CACNG7: variants seen among roughly 807,000 people sequenced by gnomAD.
The protein encoded by CACNG7 is calcium voltage-gated channel auxiliary subunit gamma 7, also known as voltage-dependent calcium channel gamma-7 subunit.
In CACNG7, 9 loss-of-function variants were observed where a neutral mutation model predicts 26.3. The observed-to-expected ratio is 0.34, with a 90% CI of 0.21 to 0.60. CACNG7 has a LOEUF of 0.60. Among genes scored for constraint, CACNG7 ranks in the 20% least tolerant of loss-of-function variants. The pLI is 0.81. For synonymous variants in CACNG7, 170 were observed against 157.0 expected (o/e 1.08, Z -0.62); for missense variants, 297 against 380.4 (o/e 0.78, Z 1.82).
At chr19:53,918,742 C>T (rs920968399) in intron 4 of CACNG7, among the ~76,000 whole-genome samples, 6 of 152,134 alleles carry the variant, frequency 3.9e-5, no homozygotes, top group Admixed American at 3.3e-4. Context: ...TAGTAACAAA[C>T]AATTTTTGAA....
rs137944346 is a variant in CACNG7 at position 53,918,031 on chromosome 19, C to G, written c.424+2526C>G. Among the ~76,000 whole-genome samples the G allele has an allele frequency of 9.2e-5, 14 of 152,264 alleles. No homozygotes were observed. In the East Asian group the frequency reaches 2.3e-3, roughly 25 times the overall value. On this transcript the variant is annotated intron_variant, in intron 4 of 5. Coordinates refer to ENST00000391767, the MANE Select transcript of CACNG7 (RefSeq NM_031896.5). Reference sequence around the variant, plus strand: ...AGATTGAATCCAACTGCCTGAATTCCTTCCTAGCATTCATTTCACAGGCTA... The same window carrying G: ...AGATTGAATCCAACTGCCTGAATTCGTTCCTAGCATTCATTTCACAGGCTA...
chr19:53,937,265 T>C (rs2069110781), intron 4 of CACNG7, among the ~76,000 whole-genome samples: 1 of 152,180 alleles, frequency 6.6e-6, no homozygotes, highest in Non-Finnish European at 1.5e-5. Flanking sequence ...ACGGGAGAGA[T>C]ATCCTCAGGA....
intron 1 of CACNG7, among the ~76,000 whole-genome samples, chr19:53,910,916 A>C (rs2068858054): frequency 6.6e-6 from 1 of 152,066 alleles, no homozygotes; most frequent in African/African-American, 2.4e-5. Context: ...GAAGTTTCAG[A>C]TCGTGTGTTA....
chr19:53,941,016 C>T (rs1600004707), intron 4 of CACNG7, among the ~76,000 whole-genome samples: 2 of 150,910 alleles, frequency 1.3e-5, no homozygotes, highest in South Asian at 2.1e-4. Flanking sequence ...GAGCCGAGAT[C>T]GGGCCACTGC....
In CACNG7 at chr19:53,915,427, G is replaced by C. The variant is rs553878683; in HGVS notation, c.346G>C (p.Val116Leu). Residue 116 changes from valine (V) to leucine (L), a missense_variant, in exon 4 of 6, where the codon GTC becomes CTC. Physicochemically the swap from Val to Leu is conservative, Grantham distance 32. Transcript: ENST00000391767. ...VSLFLVFTAF[V>L]ISNIGHIRPQ... ...CCTCTTCCTCGTGTTCACGGCCTTC[G>C]TCATCAGCAACATCGGCCACATCCG... 4 of 1,613,934 alleles carry C rather than the reference G, an allele frequency of 2.5e-6. No individual in the cohort carries two copies. The highest frequency in any genetic ancestry group is 1.7e-5 in the Admixed American group (1 of 59,998).
intron 4 of CACNG7, among the ~76,000 whole-genome samples, chr19:53,929,734 C>T (rs1475495093): frequency 2.6e-5 from 4 of 152,086 alleles, no homozygotes; most frequent in African/African-American, 7.2e-5. Context: ...TGAACCACCA[C>T]GCCCAGCCTA....
chr19:53,934,475 T>C (rs535228773), intron 4 of CACNG7, among the ~76,000 whole-genome samples: 1 of 152,118 alleles, frequency 6.6e-6, no homozygotes, highest in Non-Finnish European at 1.5e-5. Context: ...GGTTTTTCTT[T>C]TTACAATGAA....
chr19:53,922,857 TCTGGTCATTGGTGGAGTTGACTCAGG>T (rs2068974287), intron 4 of CACNG7, among the ~76,000 whole-genome samples: 3 of 64,006 alleles, frequency 4.7e-5, no homozygotes, highest in Admixed American at 2.6e-4. Flanking sequence ...TTGCCCCAGG[TCTGGTCATTGGTGGAGTTGACTCAGG>T]CTGGTCATTG....
At position 53,921,719 on chromosome 19, in the gene CACNG7, C is replaced by T. The variant is rs553675126; in HGVS notation, c.424+6214C>T. 1.4e-4 allele frequency among the ~76,000 whole-genome samples: 15 copies of T among 105,872 alleles called. 3 individuals are homozygous for T. The South Asian group carries it at 4.3e-3, about 30-fold the overall frequency. The allele number at this position is 105,872 out of a possible 152,430, so 69.5% of individuals were successfully genotyped here. A position where few individuals can be genotyped will look rare whatever the true frequency, so the allele number is the denominator to read the frequency against. On this transcript the variant is annotated intron_variant, in intron 4 of 5. Transcript: ENST00000391767. ...GGTCTGGTCATTGGTGGAGCTGTCC[C>T]AGGCTGGTCATTGGTGGAGTTGCCC...
At chr19:53,910,161 G>T (rs1037846176) in intron 1 of CACNG7, among the ~76,000 whole-genome samples, 1 of 152,160 alleles carries the variant, frequency 6.6e-6, no homozygotes, top group African/African-American at 2.4e-5. Flanking sequence ...AGTCAGAGGG[G>T]CGAAAGGGGG....
At chr19:53,934,754 T>C (rs763310937) in intron 4 of CACNG7, among the ~76,000 whole-genome samples, 9 of 151,808 alleles carry the variant, frequency 5.9e-5, no homozygotes, top group Non-Finnish European at 1.0e-4. Flanking sequence ...GCCCGGGCCA[T>C]AGAGCGAGAC....
chr19:53,942,010 G>T lies in CACNG7; in HGVS notation c.571-26G>T. ...CGGGGATGCGCAGGGGGGCGCCCCT[G>T]GGACTCTGACCTTGCCTTGCCGCAG... On this transcript the variant is annotated intron_variant, in intron 5 of 5. Coordinates refer to ENST00000391767, the MANE Select transcript of CACNG7 (RefSeq NM_031896.5). This position sits in a 1 kb window ranked among gnomAD's most constrained non-coding sequence, Gnocchi z 5.9. 6.4e-7 allele frequency: 1 copy of T among 1,559,690 alleles called. No homozygotes were observed. Among genetic ancestry groups the T allele is most frequent in the East Asian group, 2.3e-5 (1 of 43,638 alleles).
Position 53,942,033 on chromosome 19 carries a change from C to T in CACNG7, c.571-3C>T. 1 of 1,582,538 alleles carries T rather than the reference C, an allele frequency of 6.3e-7. No individual in the cohort carries two copies. The highest frequency in any genetic ancestry group is 8.6e-7 in the Non-Finnish European group (1 of 1,159,614). ...CTGGGACTCTGACCTTGCCTTGCCG[C>T]AGGGGGCCGGCGTGATGTCCGTGTA... On this transcript the variant is annotated splice_region_variant and splice_polypyrimidine_tract_variant and intron_variant, in intron 5 of 5. Coordinates refer to ENST00000391767, the MANE Select transcript of CACNG7 (RefSeq NM_031896.5). This position sits in a 1 kb window ranked among gnomAD's most constrained non-coding sequence, Gnocchi z 5.9.
At chr19:53,934,848 G>A (rs114239448) in intron 4 of CACNG7, among the ~76,000 whole-genome samples, 2,625 of 151,758 alleles carry the variant, frequency 0.017, 85 homozygotes, top group African/African-American at 0.059. Context: ...ATCTTGGTTT[G>A]GGATACTCGT....
intron 4 of CACNG7, among the ~76,000 whole-genome samples, chr19:53,924,086 A>G (rs2068996974): frequency 1.7e-5 from 2 of 117,652 alleles, no homozygotes; most frequent in Admixed American, 9.1e-5. Flanking sequence ...TCATTGGTGG[A>G]GTTGTCCCCA....
At chr19:53,922,174 G>A (rs1484045813) in intron 4 of CACNG7, among the ~76,000 whole-genome samples, 1 of 120,056 alleles carries the variant, frequency 8.3e-6, no homozygotes, top group African/African-American at 3.5e-5. Context: ...TGGTGGAGTT[G>A]TCCCAGGCTG....
At chr19:53,936,571 A>G (rs1045344097) in intron 4 of CACNG7, among the ~76,000 whole-genome samples, 10 of 152,146 alleles carry the variant, frequency 6.6e-5, no homozygotes, top group African/African-American at 2.4e-4. Context: ...AATATGTATC[A>G]GTGTGGACTC....
intron 4 of CACNG7, among the ~76,000 whole-genome samples, chr19:53,929,961 G>A (rs2069060029): frequency 6.6e-6 from 1 of 151,842 alleles, no homozygotes; most frequent in African/African-American, 2.4e-5. Flanking sequence ...TAAAAAACAA[G>A]GTGGACTTGT....
At position 53,920,378 on chromosome 19, in the gene CACNG7, C is replaced by A. The variant is rs544462664; in HGVS notation, c.424+4873C>A. Reference sequence around the variant, plus strand: ...CCAGGTCTGGTCATTGGTGGAGTTGCCTCAGGTCTGGTCATTGGTGGACTT... The same window carrying A: ...CCAGGTCTGGTCATTGGTGGAGTTGACTCAGGTCTGGTCATTGGTGGACTT... On this transcript the variant is annotated intron_variant, in intron 4 of 5. Transcript: ENST00000391767. 2.7e-5 allele frequency among the ~76,000 whole-genome samples: 3 copies of A among 109,538 alleles called. No homozygotes were observed. The East Asian group carries it at 7.2e-4, about 26-fold the overall frequency. 71.9% of individuals were successfully genotyped at this position (109,538 alleles called of 152,430 possible). A position where few individuals can be genotyped will look rare whatever the true frequency, so the allele number is the denominator to read the frequency against.
Sources: allele counts gnomAD v4.1 joint callset (sites outside exome capture counted in the v4.1 genomes callset), GRCh38; gene constraint gnomAD v4.1.1; non-coding constraint Gnocchi (gnomAD v3.1); transcripts MANE v1.5; gene names NCBI Gene and HGNC (gene_info 2026-07-23, HGNC 2026-07-21).